The following DLGAP5 variants were observed in gnomAD, a reference collection of about 807,000 sequenced individuals.
The protein encoded by DLGAP5 is disks large-associated protein 5.
DLGAP5 carries 90 observed loss-of-function variants against 99.6 expected under a neutral mutation model. That is an observed-to-expected ratio of 0.90 (90% CI 0.76 to 1.08). DLGAP5 has a LOEUF of 1.08. DLGAP5 is among the 50% of genes least tolerant of loss of function. The probability of loss-of-function intolerance (pLI) is 0.00; values close to 1 mark genes in which losing one functional copy is unlikely to be tolerated. For synonymous variants in DLGAP5, 311 were observed against 321.3 expected, an observed-to-expected ratio of 0.97 and a Z score of 0.34; for missense variants, 1,036 against 983.5, an observed-to-expected ratio of 1.05 and a Z score of -0.71.
chr14:55,175,516 A>T, intron 9 of DLGAP5, 44 bp from the exon 10 acceptor site: 1 of 1,117,308 alleles, frequency 9.0e-7, no homozygotes, highest in Non-Finnish European at 1.3e-6. Context: ...CAAAGCAACA[A>T]TTCCTAAAAT....
chr14:55,151,664 G>A, intron 17 of DLGAP5, 31 bp downstream of exon 17: 1 of 1,589,546 alleles, frequency 6.3e-7, no homozygotes, highest in Non-Finnish European at 8.6e-7. Context: ...CTTTAATAAA[G>A]GCTCGTTTAA....
intron 7 of DLGAP5, among the ~76,000 whole-genome samples, chr14:55,178,854 C>T (rs1883175164): frequency 1.3e-5 from 2 of 152,090 alleles, no homozygotes; most frequent in Non-Finnish European, 2.9e-5. Flanking sequence ...CAAGACCAGC[C>T]TGGCCAACAT....
chr14:55,183,242 A>T (rs1883329906), intron 3 of DLGAP5, among the ~76,000 whole-genome samples: 1 of 152,162 alleles, frequency 6.6e-6, no homozygotes, highest in Non-Finnish European at 1.5e-5. Context: ...ATTTTCCTGA[A>T]TTATTAATTT....
At chr14:55,151,546 G>T in intron 17 of DLGAP5, 149 bp downstream of exon 17, 1 of 865,580 alleles carries the variant, frequency 1.2e-6, no homozygotes, top group Non-Finnish European at 1.7e-6. Flanking sequence ...AATCTTGAGG[G>T]AATTGTTCTA....
At position 55,158,752 on chromosome 14, in the gene DLGAP5, A is replaced by G; in HGVS notation, c.1654-11T>C. 5.0e-6 allele frequency: 8 copies of G among 1,603,166 alleles called. No individual in the cohort carries two copies. Among genetic ancestry groups the G allele is most frequent in the Non-Finnish European group, 6.8e-6 (8 of 1,170,656 alleles). ...TGAGACAACTTTTTTCTGCAAAGAG[A>G]AACTAACATAGTAAAGCTGCCCATT... On this transcript the variant is annotated splice_polypyrimidine_tract_variant and intron_variant, in intron 13 of 18. Coordinates refer to ENST00000247191, the MANE Select transcript of DLGAP5 (RefSeq NM_014750.5).
At chr14:55,164,695 G>A (rs1230416664) in intron 12 of DLGAP5, among the ~76,000 whole-genome samples, 3 of 152,128 alleles carry the variant, frequency 2.0e-5, no homozygotes, top group Non-Finnish European at 4.4e-5. Context: ...GCAGAGGCAG[G>A]TGGATCACTT....
chr14:55,170,650 G>GT, intron 11 of DLGAP5, 52 bp downstream of exon 11: 1 of 1,406,496 alleles, frequency 7.1e-7, no homozygotes, highest in Non-Finnish European at 1.0e-6. Flanking sequence ...TCAGATAAAC[G>GT]TAACCATAGT....
chr14:55,190,623 C>G (rs1883582249), intron 1 of DLGAP5, among the ~76,000 whole-genome samples: 1 of 152,122 alleles, frequency 6.6e-6, no homozygotes, highest in Admixed American at 6.5e-5. Flanking sequence ...TTAACTAAAT[C>G]CACTAGAAAA....
chr14:55,173,587 G>GTCTC (rs10658555), intron 10 of DLGAP5, among the ~76,000 whole-genome samples: 7,546 of 147,912 alleles, frequency 0.051, 497 homozygotes, highest in African/African-American at 0.16. Flanking sequence ...GATATATGTT[G>GTCTC]TCTCTCTCTC....
Position 55,148,440 on chromosome 14 carries a change from G to A in DLGAP5, c.2452C>T (p.Leu818=). 1 of 1,614,170 alleles carries A rather than the reference G, an allele frequency of 6.2e-7. No individual in the cohort carries two copies. Among genetic ancestry groups the A allele is most frequent in the East Asian group, 2.2e-5 (1 of 44,876 alleles). The change falls in exon 19 of 19, where the codon CTG becomes TTG. Residue 818 remains leucine, a synonymous_variant. Coordinates refer to ENST00000247191, the MANE Select transcript of DLGAP5 (RefSeq NM_014750.5). The part of the protein sequence containing the change: ...GLNCSNPFTQ[L]ERRHQEHARH... ...GCATGTTCTTGATGTCTCCTCTCCAGCTGAGTAAATGGATTACTGCAGTTT... is the reference window on the plus strand; with the variant it reads ...GCATGTTCTTGATGTCTCCTCTCCAACTGAGTAAATGGATTACTGCAGTTT...
chr14:55,152,068 T>C, intron 16 of DLGAP5, 127 bp from the exon 17 acceptor site: 1 of 838,564 alleles, frequency 1.2e-6, no homozygotes. Flanking sequence ...CTTAAGAACA[T>C]TATAAATCCT....
chr14:55,158,677 C>T lies in DLGAP5; in HGVS notation c.1718G>A (p.Arg573Lys). Residue 573 changes from arginine to lysine, a missense_variant, in exon 14 of 19, where the codon AGA becomes AAA. Coordinates refer to ENST00000247191, the MANE Select transcript of DLGAP5 (RefSeq NM_014750.5). ...ATTTTTTATGGCAGCTAGGCGATTT[C>T]TCGCTGCAATTCTTCCAGCATCATC... ...KQDDAGRIAA[R>K]NRLAAIKNAM... 1 of 1,614,084 alleles carries T rather than the reference C, an allele frequency of 6.2e-7. No individual in the cohort carries two copies. The highest frequency in any genetic ancestry group is 8.5e-7 in the Non-Finnish European group (1 of 1,179,996).
chr14:55,180,532 T>C, intron 6 of DLGAP5, 124 bp downstream of exon 6: 1 of 1,328,550 alleles, frequency 7.5e-7, no homozygotes, highest in Non-Finnish European at 1.0e-6. Flanking sequence ...TATTTTCAGG[T>C]ATTAGAATTT....
chr14:55,187,698 A>C (rs1324976926), intron 2 of DLGAP5, among the ~76,000 whole-genome samples: 2 of 151,140 alleles, frequency 1.3e-5, no homozygotes, highest in African/African-American at 4.9e-5. Flanking sequence ...TTTCACAGGC[A>C]CCATTGTAGC....
intron 13 of DLGAP5, among the ~76,000 whole-genome samples, chr14:55,160,250 C>T (rs957448937): frequency 6.6e-6 from 1 of 151,146 alleles, no homozygotes; most frequent in Non-Finnish European, 1.5e-5. Context: ...AAAAAGTTAG[C>T]TGGGCGTGGT....
At chr14:55,148,643 C>G in intron 18 of DLGAP5, 170 bp from the exon 19 acceptor site, 3 of 1,449,944 alleles carry the variant, frequency 2.1e-6, no homozygotes, top group Non-Finnish European at 2.8e-6. Flanking sequence ...CACTTGAACC[C>G]AGGACTTCAA....
chr14:55,159,082 TAAAAA>T (rs67774456), intron 13 of DLGAP5, among the ~76,000 whole-genome samples: 2 of 102,934 alleles, frequency 1.9e-5, no homozygotes, highest in African/African-American at 6.7e-5. Flanking sequence ...AAAAAGTAAA[TAAAAA>T]AAAAGTAAAA....
chr14:55,167,804 G>A (rs1015212776), intron 12 of DLGAP5, among the ~76,000 whole-genome samples: 1 of 152,164 alleles, frequency 6.6e-6, no homozygotes, highest in African/African-American at 2.4e-5. Context: ...TAATATTGCT[G>A]TTGAGAGATC....
chr14:55,181,408 C>T, intron 4 of DLGAP5, 111 bp from the exon 5 acceptor site: 1 of 704,462 alleles, frequency 1.4e-6, no homozygotes. Flanking sequence ...GTAAATGACC[C>T]AACAACAACA....
Sources: allele counts gnomAD v4.1 joint callset (sites outside exome capture counted in the v4.1 genomes callset), GRCh38; gene constraint gnomAD v4.1.1; transcripts MANE v1.5; gene names NCBI Gene and HGNC (gene_info 2026-07-23, HGNC 2026-07-21).